NCAM2: variants seen among roughly 807,000 people sequenced by gnomAD.
NCAM2 encodes the protein neural cell adhesion molecule 2, also known as N-CAM-2.
Under a neutral mutation model 98.1 loss-of-function variants are expected in NCAM2, and 30 were observed. The ratio of observed to expected loss-of-function variants is 0.31; its 90% CI spans 0.23 to 0.41. The LOEUF (loss-of-function observed/expected upper bound fraction) is 0.41. Among genes scored for constraint, NCAM2 ranks in the 10% least tolerant of loss-of-function variants. The probability of loss-of-function intolerance (pLI) is 1.00; values close to 1 mark genes in which losing one functional copy is unlikely to be tolerated. For missense variants in NCAM2, 867 were observed against 1,005.8 expected, an observed-to-expected ratio of 0.86 and a Z score of 1.87; for synonymous variants, 368 against 342.4, an observed-to-expected ratio of 1.07 and a Z score of -0.83.
intron 16 of NCAM2, among the ~76,000 whole-genome samples, chr21:21,527,285 G>A (rs912860407): frequency 4.6e-5 from 7 of 151,842 alleles, no homozygotes; most frequent in African/African-American, 1.5e-4. Context: ...CTAATTTTTT[G>A]TATTTTTAGT....
At chr21:21,123,730 T>A (rs1601428943) in intron 1 of NCAM2, among the ~76,000 whole-genome samples, 1 of 152,180 alleles carries the variant, frequency 6.6e-6, no homozygotes, top group East Asian at 1.9e-4. Flanking sequence ...TTTATATTAA[T>A]AACCCAAACT....
At chr21:21,203,455 C>T (rs2069310664) in intron 1 of NCAM2, among the ~76,000 whole-genome samples, 1 of 152,064 alleles carries the variant, frequency 6.6e-6, no homozygotes, top group Non-Finnish European at 1.5e-5. Context: ...TTGTTTTTGC[C>T]TGTACAAAGT....
intron 1 of NCAM2, among the ~76,000 whole-genome samples, chr21:21,259,290 C>T (rs890760362): frequency 6.6e-6 from 1 of 152,132 alleles, no homozygotes; most frequent in African/African-American, 2.4e-5. Context: ...TTGGTGGTAG[C>T]CACCAGAGGG....
chr21:21,304,466 C>G (rs1431318490), intron 5 of NCAM2, among the ~76,000 whole-genome samples: 2 of 151,802 alleles, frequency 1.3e-5, no homozygotes, highest in Non-Finnish European at 2.9e-5. Flanking sequence ...TTCCATTGAT[C>G]TATTTATTTG....
chr21:21,445,426 A>T (rs1323942024), intron 12 of NCAM2, among the ~76,000 whole-genome samples: 1 of 152,076 alleles, frequency 6.6e-6, no homozygotes, highest in Non-Finnish European at 1.5e-5. Context: ...TAATATTGTC[A>T]TTGGGGTGTT....
At chr21:21,336,647 G>A (rs534565935) in intron 7 of NCAM2, among the ~76,000 whole-genome samples, 4 of 152,252 alleles carry the variant, frequency 2.6e-5, no homozygotes, top group East Asian at 1.9e-4. Flanking sequence ...TAATCCCTGC[G>A]TGGACACGCC....
At chr21:21,519,033 T>A (rs1450462158) in intron 16 of NCAM2, among the ~76,000 whole-genome samples, 1 of 152,010 alleles carries the variant, frequency 6.6e-6, no homozygotes, top group East Asian at 1.9e-4. Flanking sequence ...TCTAGGCAGG[T>A]GTAAATTAAT....
intron 15 of NCAM2, 125 bp downstream of exon 15, chr21:21,477,596 T>C: frequency 1.3e-6 from 1 of 797,984 alleles, no homozygotes; most frequent in South Asian, 2.8e-5. Context: ...GTTCTAATTA[T>C]TATTGTGACA....
At chr21:21,220,198 G>A (rs2070087134) in intron 1 of NCAM2, among the ~76,000 whole-genome samples, 1 of 152,154 alleles carries the variant, frequency 6.6e-6, no homozygotes, top group African/African-American at 2.4e-5. Context: ...GTATAGTAAT[G>A]TTCTAGACCT....
chr21:21,453,039 A>G (rs1290673082), intron 12 of NCAM2, among the ~76,000 whole-genome samples: 3 of 116,000 alleles, frequency 2.6e-5, no homozygotes, highest in African/African-American at 9.8e-5. Flanking sequence ...TAAAAATAAT[A>G]TATACATATA....
chr21:21,432,129 G>C lies in NCAM2; in HGVS notation c.1502G>C (p.Gly501Ala), dbSNP rs2077359585. The C allele has an allele frequency of 2.5e-6, 4 of 1,613,960 alleles. No homozygotes were observed. The East Asian group carries it at 8.9e-5, about 36-fold the overall frequency. ...ATAGACGTGCCATCCAGTCCCTATG[G>C]AGTGAAGATCATAGAGCTGTCGCAG... is the stretch of plus-strand genomic sequence containing the variant. ...ALADVPSSPY[G>A]VKIIELSQTT... is the part of the protein sequence containing the mutation. The change falls in exon 12 of 18, where the codon GGA becomes GCA. Residue 501 changes from glycine to alanine, a missense_variant. This residue lies in a region of NCAM2 where 234 missense variants were observed against 333.8 expected (regional missense o/e 0.70). Transcript: ENST00000400546.
intron 1 of NCAM2, among the ~76,000 whole-genome samples, chr21:21,116,892 G>A (rs940861491): frequency 2.0e-5 from 3 of 151,464 alleles, no homozygotes; most frequent in Admixed American, 1.3e-4. Context: ...ACTCACCATT[G>A]GACTTTACAA....
chr21:21,128,290 G>A (rs1448279181), intron 1 of NCAM2, among the ~76,000 whole-genome samples: 1 of 151,638 alleles, frequency 6.6e-6, no homozygotes, highest in Non-Finnish European at 1.5e-5. Flanking sequence ...ATAAGATAAA[G>A]TCTCTCTTTA....
intron 17 of NCAM2, 22 bp from the exon 18 acceptor site, chr21:21,537,824 C>G: frequency 7.8e-7 from 1 of 1,279,882 alleles, no homozygotes; most frequent in South Asian, 1.3e-5. Flanking sequence ...GAAAATGAAG[C>G]TTATTATTTT....
At chr21:21,341,673 A>AT (rs2075040750) in intron 8 of NCAM2, among the ~76,000 whole-genome samples, 2 of 150,446 alleles carry the variant, frequency 1.3e-5, no homozygotes, top group South Asian at 4.2e-4. Flanking sequence ...ATCATTTTAG[A>AT]TTTTTCAGAG....
chr21:21,455,514 A>G (rs970240803), intron 12 of NCAM2, among the ~76,000 whole-genome samples: 3 of 151,956 alleles, frequency 2.0e-5, no homozygotes, highest in Non-Finnish European at 2.9e-5. Flanking sequence ...AGAAATGTTT[A>G]TTCATAGAAT....
chr21:21,372,467 C>T (rs1018967982), intron 8 of NCAM2, among the ~76,000 whole-genome samples: 1 of 151,606 alleles, frequency 6.6e-6, no homozygotes, highest in African/African-American at 2.4e-5. Flanking sequence ...CAAAAATGCT[C>T]ATTAACCTGT....
At chr21:21,358,509 C>A (rs528586682) in intron 8 of NCAM2, among the ~76,000 whole-genome samples, 30 of 152,080 alleles carry the variant, frequency 2.0e-4, no homozygotes, top group Admixed American at 1.9e-3. Context: ...ACACGCACAT[C>A]CACTTTCATG....
At chr21:21,012,440 GC>G (rs1386866160) in intron 1 of NCAM2, among the ~76,000 whole-genome samples, 1 of 152,032 alleles carries the variant, frequency 6.6e-6, no homozygotes, top group Non-Finnish European at 1.5e-5. Flanking sequence ...AGTTTAGGAT[GC>G]TTTTAGGGGC....
Sources: allele counts gnomAD v4.1 joint callset (sites outside exome capture counted in the v4.1 genomes callset), GRCh38; gene constraint gnomAD v4.1.1; regional missense constraint gnomAD v4.1.1; transcripts MANE v1.5; gene names NCBI Gene and HGNC (gene_info 2026-07-23, HGNC 2026-07-21).